SHANK2: variants seen among roughly 807,000 people sequenced by gnomAD.
SHANK2 encodes the protein SH3 and multiple ankyrin repeat domains protein 2.
A neutral mutation model predicts 133.7 loss-of-function variants in SHANK2; 43 were observed. The ratio of observed to expected loss-of-function variants is 0.32; its 90% CI spans 0.25 to 0.41. The LOEUF (loss-of-function observed/expected upper bound fraction) is 0.41. SHANK2 is among the 10% of genes least tolerant of loss of function. SHANK2 has a pLI of 1.00. For missense variants in SHANK2, 1,994 were observed against 2,235.8 expected, an observed-to-expected ratio of 0.89 and a Z score of 2.18; for synonymous variants, 1,017 against 952.8, an observed-to-expected ratio of 1.07 and a Z score of -1.24.
At chr11:71,079,817 G>C (rs1951269596) in intron 8 of SHANK2, among the ~76,000 whole-genome samples, 1 of 130,618 alleles carries the variant, frequency 7.7e-6, no homozygotes, top group Non-Finnish European at 1.6e-5. Flanking sequence ...GAAAGAAAAA[G>C]AGAAAGGGAA....
chr11:70,860,734 G>T (rs1372033563), intron 11 of SHANK2, among the ~76,000 whole-genome samples: 1 of 152,206 alleles, frequency 6.6e-6, no homozygotes, highest in Non-Finnish European at 1.5e-5. Context: ...CACGCAAGGG[G>T]CCTGGCGCGA....
intron 2 of SHANK2, among the ~76,000 whole-genome samples, chr11:71,173,433 T>C (rs1395477308): frequency 6.6e-6 from 1 of 152,222 alleles, no homozygotes; most frequent in Non-Finnish European, 1.5e-5. Context: ...GGTCCAGGTG[T>C]GAGTTCACCC....
At chr11:70,934,760 G>A (rs782522689) in intron 10 of SHANK2, among the ~76,000 whole-genome samples, 11 of 152,230 alleles carry the variant, frequency 7.2e-5, no homozygotes, top group East Asian at 1.9e-4. Context: ...GACATGCCAC[G>A]TGTGGGTAAA....
At chr11:70,760,004 A>G (rs1946957326) in intron 14 of SHANK2, among the ~76,000 whole-genome samples, 1 of 152,220 alleles carries the variant, frequency 6.6e-6, no homozygotes, top group African/African-American at 2.4e-5. Flanking sequence ...CAGCCTCCAG[A>G]ACTATGAGAG....
rs542144972 is a variant in SHANK2, at chr11:71,230,120, C to T, written c.-112-5324G>A. ...CTGGCCCAACGTGGTGAAACCCCAT[C>T]TCTACTAAAAACACAAAAAATTAGC... is the stretch of plus-strand genomic sequence containing the variant. On this transcript the variant is annotated intron_variant, in intron 1 of 25. Transcript: ENST00000601538. Among the ~76,000 whole-genome samples the T allele has an allele frequency of 2.0e-5, 3 of 152,258 alleles. No homozygotes were observed. In the East Asian group the frequency reaches 5.8e-4, roughly 29 times the overall value.
At chr11:70,763,727 C>A (rs1302641429) in intron 14 of SHANK2, among the ~76,000 whole-genome samples, 2 of 152,146 alleles carry the variant, frequency 1.3e-5, no homozygotes, top group African/African-American at 4.8e-5. Context: ...AAAGAGCAGG[C>A]AGGCAGAATG....
At chr11:71,141,665 C>T (rs1377528636) in intron 3 of SHANK2, among the ~76,000 whole-genome samples, 2 of 152,010 alleles carry the variant, frequency 1.3e-5, no homozygotes, top group Non-Finnish European at 2.9e-5. Context: ...TCGTTATTAC[C>T]AGCATGAGAA....
At chr11:70,837,512 T>C (rs565456967) in intron 11 of SHANK2, among the ~76,000 whole-genome samples, 32 of 152,388 alleles carry the variant, frequency 2.1e-4, no homozygotes, top group African/African-American at 6.0e-4. Flanking sequence ...ATCTCTATGC[T>C]AGCCCCTTGT....
rs886617441 is a variant in SHANK2 at position 71,059,722 on chromosome 11, C to G, written c.1030-3164G>C. 2.0e-3 allele frequency among the ~76,000 whole-genome samples: 305 copies of G among 152,262 alleles called. 5 individuals carry two copies. The highest frequency in any genetic ancestry group is 1.5e-3 in the East Asian group (8 of 5,170). ...CTCCGGCAGCTAAGAGTGTGGGCTG[C>G]GCTCACTTGGGAGACACAGGTGGGC... On this transcript the variant is annotated intron_variant, in intron 9 of 25. Coordinates refer to ENST00000601538, the MANE Select transcript of SHANK2 (RefSeq NM_012309.5).
rs1185238124 is a variant in SHANK2 at position 71,059,525 on chromosome 11, AAGAC to A, written c.1030-2971_1030-2968del. On this transcript the variant is annotated intron_variant, in intron 9 of 25. Transcript: ENST00000601538. ...ATAGAGGGTCACATACATATTTAAG[AAGAC>A]AGACAGCAGGAAGGCAGGCCACCCT... 5.2e-3 allele frequency among the ~76,000 whole-genome samples: 785 copies of A among 152,268 alleles called. 8 individuals are homozygous for A. Among genetic ancestry groups the A allele is most frequent in the African/African-American group, 0.018 (741 of 41,536 alleles).
intron 10 of SHANK2, among the ~76,000 whole-genome samples, chr11:70,930,353 G>A (rs1353764189): frequency 2.0e-5 from 3 of 152,164 alleles, no homozygotes; most frequent in African/African-American, 4.8e-5. Context: ...AGAAACTGGG[G>A]CAAATTGATA....
chr11:70,687,180 A>T lies in SHANK2; in HGVS notation c.1853+11508T>A, dbSNP rs117372285. 4.1e-4 allele frequency among the ~76,000 whole-genome samples: 63 copies of T among 152,350 alleles called. No homozygotes were observed. In the East Asian group the frequency reaches 0.012, roughly 29 times the overall value. On this transcript the variant is annotated intron_variant, in intron 15 of 25. Transcript: ENST00000601538. The stretch of plus-strand genomic sequence containing the variant: ...CTCAGCAATGATGTAGGCATTTTAC[A>T]ATGTAGCCATCTTACAAATGGGGAA...
intron 12 of SHANK2, among the ~76,000 whole-genome samples, chr11:70,808,833 G>A (rs1362024388): frequency 1.3e-5 from 2 of 152,244 alleles, no homozygotes; most frequent in Admixed American, 6.5e-5. Context: ...CACTGTGAGC[G>A]TCAGTCACAC....
chr11:71,218,092 C>A, intron 2 of SHANK2, among the ~76,000 whole-genome samples: 1 of 152,060 alleles, frequency 6.6e-6, no homozygotes, highest in East Asian at 1.9e-4. Flanking sequence ...CCTTGTGATT[C>A]GCCTCCTTAC....
At chr11:70,551,877 C>T (rs2059774199) in intron 17 of SHANK2, among the ~76,000 whole-genome samples, 1 of 152,190 alleles carries the variant, frequency 6.6e-6, no homozygotes. Flanking sequence ...GGCTAGGACC[C>T]TGCCGTATGG....
At chr11:70,518,374 A>C (rs1241959519) in intron 17 of SHANK2, among the ~76,000 whole-genome samples, 1 of 152,110 alleles carries the variant, frequency 6.6e-6, no homozygotes, top group African/African-American at 2.4e-5. Flanking sequence ...CAAAACAAAA[A>C]CCAAAAACCA....
chr11:70,919,081 T>C (rs1490659881), intron 10 of SHANK2, among the ~76,000 whole-genome samples: 1 of 152,104 alleles, frequency 6.6e-6, no homozygotes, highest in African/African-American at 2.4e-5. Flanking sequence ...AGAGGATTAC[T>C]GGATCCCAGG....
At position 71,221,389 on chromosome 11, in the gene SHANK2, G is replaced by A. The variant is rs138460477; in HGVS notation, c.-13+3308C>T. On this transcript the variant is annotated intron_variant, in intron 2 of 25. Transcript: ENST00000601538. ...GGGTGCCCAGCAGGAGACGGTGGCC[G>A]GAGCGCAGGTGCAGAGGACAGGGTC... Among the ~76,000 whole-genome samples the A allele has an allele frequency of 1.6e-3, 248 of 152,218 alleles. 1 individual carries two copies. Among genetic ancestry groups the A allele is most frequent in the African/African-American group, 5.7e-3 (238 of 41,556 alleles).
At chr11:70,800,841 C>T (rs568491676) in intron 13 of SHANK2, among the ~76,000 whole-genome samples, 1 of 152,296 alleles carries the variant, frequency 6.6e-6, no homozygotes, top group African/African-American at 2.4e-5. Context: ...CTTGCTGCTG[C>T]GCCACCAGGA....
Sources: allele counts gnomAD v4.1 joint callset (sites outside exome capture counted in the v4.1 genomes callset), GRCh38; gene constraint gnomAD v4.1.1; transcripts MANE v1.5; gene names NCBI Gene and HGNC (gene_info 2026-07-23, HGNC 2026-07-21).